PTK2B: variants seen among roughly 807,000 people sequenced by gnomAD.
PTK2B encodes the protein protein tyrosine kinase 2 beta.
A neutral mutation model predicts 142.9 loss-of-function variants in PTK2B; 71 were observed. The observed-to-expected ratio is 0.50, with a 90% CI of 0.41 to 0.61. PTK2B has a LOEUF of 0.61. Ranked by LOEUF, PTK2B falls within the 20% of genes least tolerant of loss-of-function variation. The pLI is 0.00. For missense variants in PTK2B, 1,105 were observed against 1,320.4 expected, an observed-to-expected ratio of 0.84 and a Z score of 2.53; for synonymous variants, 519 against 503.4, an observed-to-expected ratio of 1.03 and a Z score of -0.42.
At chr8:27,349,637 A>C (rs1804929243) in intron 1 of PTK2B, among the ~76,000 whole-genome samples, 1 of 152,246 alleles carries the variant, frequency 6.6e-6, no homozygotes, top group Non-Finnish European at 1.5e-5. Context: ...AGCACCTGGC[A>C]TGTCTCATGC....
rs754198593 is a variant in PTK2B at position 27,419,883 on chromosome 8, TCTC to T, written c.205-8_205-6del. ...GCACCCCTGAGTCATGCCTCTCTCT[TCTC>T]CTCTGCAGGAGATCATCACCTCCAT... On this transcript the variant is annotated splice_polypyrimidine_tract_variant and intron_variant, in intron 2 of 30. Transcript: ENST00000346049. 3 of 1,613,874 alleles carry T rather than the reference TCTC, an allele frequency of 1.9e-6. No individual in the cohort carries two copies. Among genetic ancestry groups the T allele is most frequent in the Non-Finnish European group, 2.5e-6 (3 of 1,179,890 alleles).
rs1803909584 is a variant in PTK2B, at chr8:27,333,979, C to T, written c.-38+8298C>T. 3.3e-5 allele frequency among the ~76,000 whole-genome samples: 5 copies of T among 152,120 alleles called. No homozygotes were observed. In the South Asian group the frequency reaches 1.0e-3, roughly 31 times the overall value. Reference sequence around the variant, plus strand: ...TTTCTCACGCCAAACCATCTCTCCTCCTGGCTTCTCTCCTCTTCATGGGGT... The same window carrying T: ...TTTCTCACGCCAAACCATCTCTCCTTCTGGCTTCTCTCCTCTTCATGGGGT... On this transcript the variant is annotated intron_variant, in intron 1 of 30. Coordinates refer to ENST00000346049, the MANE Select transcript of PTK2B (RefSeq NM_173176.3).
At chr8:27,421,557 G>A (rs1339232610) in intron 4 of PTK2B, among the ~76,000 whole-genome samples, 1 of 152,134 alleles carries the variant, frequency 6.6e-6, no homozygotes, top group Non-Finnish European at 1.5e-5. Flanking sequence ...TACAATGTTG[G>A]TTTTCCATTC....
intron 8 of PTK2B, 167 bp from the exon 9 acceptor site, chr8:27,431,231 A>C (rs1810397442): frequency 2.7e-6 from 4 of 1,502,544 alleles, no homozygotes; most frequent in Non-Finnish European, 3.6e-6. Flanking sequence ...TGGGCAGGAC[A>C]GGCAAGGTGT....
intron 12 of PTK2B, 133 bp from the exon 13 acceptor site, chr8:27,434,380 G>T: frequency 8.9e-7 from 1 of 1,126,432 alleles, no homozygotes. Flanking sequence ...CCTGGGCTGT[G>T]CTCCCAGGTC....
chr8:27,350,990 AATATATATATATATATATAT>A lies in PTK2B; in HGVS notation c.-38+25341_-38+25360del, dbSNP rs1161548916. On this transcript the variant is annotated intron_variant, in intron 1 of 30. Coordinates refer to ENST00000346049, the MANE Select transcript of PTK2B (RefSeq NM_173176.3). ...GTCTCCGTCTCAAAAAAAAAAAAAAAATATATATATATATATATATATATATATATATATATATATATATA... is the reference window on the plus strand; with the variant it reads ...GTCTCCGTCTCAAAAAAAAAAAAAAAATATATATATATATATATATATATA... 2.5e-3 allele frequency among the ~76,000 whole-genome samples: 30 copies of A among 12,090 alleles called. 5 individuals carry two copies. Among genetic ancestry groups the A allele is most frequent in the Non-Finnish European group, 3.3e-3 (21 of 6,372 alleles). The allele number at this position is 12,090 out of a possible 152,430, so 7.9% of individuals were successfully genotyped here.
At chr8:27,391,484 A>G (rs548411867) in intron 1 of PTK2B, among the ~76,000 whole-genome samples, 1 of 152,324 alleles carries the variant, frequency 6.6e-6, no homozygotes, top group Non-Finnish European at 1.5e-5. Flanking sequence ...CCAAGAGGCT[A>G]AGCTGTTTAC....
At chr8:27,365,137 T>G (rs1805943701) in intron 1 of PTK2B, among the ~76,000 whole-genome samples, 1 of 152,200 alleles carries the variant, frequency 6.6e-6, no homozygotes, top group African/African-American at 2.4e-5. Context: ...TGAGATGAAA[T>G]TAACTTTCTT....
At chr8:27,451,810 T>G in intron 27 of PTK2B, 4 of 1,267,872 alleles carry the variant, frequency 3.2e-6, no homozygotes, top group Non-Finnish European at 2.0e-6. Context: ...TCTTCCTCAT[T>G]TCCTGCTCTG....
intron 2 of PTK2B, among the ~76,000 whole-genome samples, chr8:27,404,294 G>A (rs1808570688): frequency 6.6e-6 from 1 of 152,140 alleles, no homozygotes; most frequent in Non-Finnish European, 1.5e-5. Context: ...TCTCACCCAG[G>A]AAGACATTGA....
rs1016559731 is a variant in PTK2B at position 27,454,157 on chromosome 8, A to C, written c.2599A>C (p.Ile867Leu). ...QKPPRLGAQS[I>L]QPTANLDRTD... ...GCCACCTGCGTCTTCCCCTCAGTCC[A>C]TCCAGCCCACAGCTAACCTGGACCG... Residue 867 changes from isoleucine (I) to leucine (L), a missense_variant, in exon 29 of 31, where the codon ATC becomes CTC. Transcript: ENST00000346049. 2 of 1,613,886 alleles carry C rather than the reference A, an allele frequency of 1.2e-6. No homozygotes were observed. The highest frequency in any genetic ancestry group is 1.3e-5 in the African/African-American group (1 of 74,872).
chr8:27,332,438 A>T (rs952306733), intron 1 of PTK2B, among the ~76,000 whole-genome samples: 4 of 152,214 alleles, frequency 2.6e-5, no homozygotes, highest in Non-Finnish European at 5.9e-5. Context: ...CGACTCTGTC[A>T]TACTCTGCCT....
At chr8:27,314,452 C>T (rs1209907890) in intron 3 of PTK2B, among the ~76,000 whole-genome samples, 4 of 152,178 alleles carry the variant, frequency 2.6e-5, no homozygotes, top group Admixed American at 1.3e-4. Context: ...TGGTGGTGTG[C>T]GCCTATAGCC....
chr8:27,374,379 T>C (rs1806539567), intron 1 of PTK2B, among the ~76,000 whole-genome samples: 1 of 152,220 alleles, frequency 6.6e-6, no homozygotes, highest in South Asian at 2.1e-4. Flanking sequence ...GAAGTTCGCA[T>C]TCACAGACCC....
chr8:27,411,978 T>C (rs768760606), intron 2 of PTK2B, among the ~76,000 whole-genome samples: 5 of 152,136 alleles, frequency 3.3e-5, no homozygotes, highest in African/African-American at 9.7e-5. Context: ...TTTTATCATA[T>C]AAATGAGAGC....
chr8:27,352,403 C>G (rs967613540), intron 1 of PTK2B, among the ~76,000 whole-genome samples: 1 of 152,212 alleles, frequency 6.6e-6, no homozygotes, highest in East Asian at 1.9e-4. Context: ...AAAAGCCTCC[C>G]AACCATCTCA....
intron 30 of PTK2B, among the ~76,000 whole-genome samples, chr8:27,456,720 G>T (rs1812163594): frequency 6.6e-6 from 1 of 152,232 alleles, no homozygotes; most frequent in African/African-American, 2.4e-5. Flanking sequence ...TCTTCTGCCA[G>T]TTAGCCACGT....
chr8:27,422,415 C>A (rs199527997), intron 5 of PTK2B, 32 bp downstream of exon 5: 1 of 1,575,684 alleles, frequency 6.3e-7, no homozygotes, highest in South Asian at 1.1e-5. Flanking sequence ...GCTGGGAGGG[C>A]GCTGTGCTGA....
chr8:27,346,214 T>A (rs1164043474), intron 1 of PTK2B, among the ~76,000 whole-genome samples: 1 of 152,212 alleles, frequency 6.6e-6, no homozygotes, highest in Admixed American at 6.5e-5. Context: ...TTATGTGGAT[T>A]CATGTTTTCA....
Sources: allele counts gnomAD v4.1 joint callset (sites outside exome capture counted in the v4.1 genomes callset), GRCh38; gene constraint gnomAD v4.1.1; transcripts MANE v1.5; gene names NCBI Gene and HGNC (gene_info 2026-07-23, HGNC 2026-07-21).